Variants in ADRA1B observed in about 807,000 individuals in gnomAD.
The protein encoded by ADRA1B is adrenoceptor alpha 1B.
In ADRA1B, 17 loss-of-function variants were observed where a neutral mutation model predicts 17.9. That is an observed-to-expected ratio of 0.95 (90% CI 0.65 to 1.42). ADRA1B has a LOEUF of 1.42. Ranked by LOEUF, ADRA1B falls within the 40% of genes most tolerant of loss-of-function variation. The pLI, the probability that ADRA1B is intolerant of heterozygous loss-of-function variation, is 0.00. For synonymous variants in ADRA1B, 366 were observed against 327.6 expected (o/e 1.12, Z -1.27); for missense variants, 681 against 722.1 (o/e 0.94, Z 0.65).
At chr5:159,914,777 T>C (rs567307215), upstream of ADRA1B, among the ~76,000 whole-genome samples, 1 of 152,338 alleles carries the variant, frequency 6.6e-6, no homozygotes, top group Non-Finnish European at 1.5e-5. Flanking sequence ...GACTTCTGTT[T>C]TCCCCACCCG....
intron 1 of ADRA1B, among the ~76,000 whole-genome samples, chr5:159,960,515 G>A (rs2113279965): frequency 6.6e-6 from 1 of 152,274 alleles, no homozygotes; most frequent in South Asian, 2.1e-4. Context: ...GCGGGCTAAG[G>A]CAATACTTCT....
At chr5:159,879,966 G>A (rs1446843003) in intron 1 of ADRA1B, among the ~76,000 whole-genome samples, 3 of 151,916 alleles carry the variant, frequency 2.0e-5, no homozygotes, top group Admixed American at 6.6e-5. Flanking sequence ...ACTGCACTCC[G>A]GCTTGAGATA....
At chr5:159,907,807 C>T (rs1379003451) in intron 1 of ADRA1B, among the ~76,000 whole-genome samples, 9 of 152,140 alleles carry the variant, frequency 5.9e-5, no homozygotes, top group Admixed American at 5.9e-4. Context: ...GTCACAAAGC[C>T]AGGAAGTGGC....
intron 1 of ADRA1B, chr5:159,870,822 A>G (rs1338792075): frequency 6.6e-6 from 1 of 152,250 alleles, no homozygotes; most frequent in African/African-American, 2.4e-5. Context: ...AAAATCCCTT[A>G]TGAGAGACTG....
At chr5:159,947,296 C>T (rs1399493821) in intron 1 of ADRA1B, among the ~76,000 whole-genome samples, 2 of 151,834 alleles carry the variant, frequency 1.3e-5, no homozygotes, top group Non-Finnish European at 2.9e-5. Flanking sequence ...GATACAAGAT[C>T]GCACCACCGC....
At chr5:159,974,697 T>C (rs1301699625), downstream of ADRA1B, among the ~76,000 whole-genome samples, 2 of 151,986 alleles carry the variant, frequency 1.3e-5, no homozygotes, top group African/African-American at 2.4e-5. Context: ...CTTAAGACTT[T>C]GATGAAGGCT....
At chr5:159,984,734 C>T in the ADRA1B span, among the ~76,000 whole-genome samples, 1 of 143,270 alleles carries the variant, frequency 7.0e-6, no homozygotes. Context: ...CCCATCCCTA[C>T]TAAAAATACA....
At chr5:159,909,020 C>T (rs1052512171) in intron 1 of ADRA1B, among the ~76,000 whole-genome samples, 3 of 152,202 alleles carry the variant, frequency 2.0e-5, no homozygotes, top group African/African-American at 4.8e-5. Flanking sequence ...AAAATACTGC[C>T]TCTTTCTCCC....
the ADRA1B span, among the ~76,000 whole-genome samples, chr5:159,982,725 C>T: frequency 7.9e-5 from 12 of 152,250 alleles, no homozygotes; most frequent in South Asian, 8.3e-4. Flanking sequence ...TCTTTCTGGT[C>T]TCTAGCTTTT....
chr5:159,881,771 G>C (rs1753865456), intron 1 of ADRA1B, among the ~76,000 whole-genome samples: 1 of 152,144 alleles, frequency 6.6e-6, no homozygotes, highest in Non-Finnish European at 1.5e-5. Flanking sequence ...ATTATAAATA[G>C]ATCTGAGAGG....
intron 1 of ADRA1B, among the ~76,000 whole-genome samples, chr5:159,908,039 T>C (rs916221605): frequency 4.6e-5 from 7 of 152,012 alleles, no homozygotes; most frequent in Non-Finnish European, 1.0e-4. Flanking sequence ...AAGACAATTA[T>C]TGAATCAGGT....
At chr5:159,945,963 G>A (rs548521923) in intron 1 of ADRA1B, among the ~76,000 whole-genome samples, 18 of 152,222 alleles carry the variant, frequency 1.2e-4, no homozygotes, top group Non-Finnish European at 2.2e-4. Context: ...TAGCCAGGAT[G>A]GTCTTGATCT....
the ADRA1B span, among the ~76,000 whole-genome samples, chr5:159,983,899 C>T: frequency 5.3e-5 from 8 of 152,042 alleles, no homozygotes; most frequent in South Asian, 4.1e-4. Flanking sequence ...TTTCCCTCCC[C>T]GCGTTCTTGC....
intron 1 of ADRA1B, among the ~76,000 whole-genome samples, chr5:159,949,681 C>G (rs1186913161): frequency 6.6e-6 from 1 of 152,108 alleles, no homozygotes; most frequent in Non-Finnish European, 1.5e-5. Context: ...AGTGTATTTG[C>G]CATGTAGTAG....
chr5:159,924,874 T>C (rs1368546565), intron 1 of ADRA1B, among the ~76,000 whole-genome samples: 1 of 152,342 alleles, frequency 6.6e-6, no homozygotes, highest in South Asian at 2.1e-4. Flanking sequence ...ATAATAGTAA[T>C]ACTAATAGCT....
At position 159,917,052 on chromosome 5, in the gene ADRA1B, CCTGGT is replaced by C; in HGVS notation, c.148_152del (p.Leu50AlafsTer68). Reference sequence around the variant, plus strand: ...ACATCACCAGGGCCATCTCTGTGGGCCTGGTGCTGGGCGCCTTCATCCTCTTTGCC... The same window carrying C: ...ACATCACCAGGGCCATCTCTGTGGGCGCTGGGCGCCTTCATCCTCTTTGCC... On this transcript the variant is annotated frameshift_variant, in exon 1 of 2. Coordinates refer to ENST00000306675, the MANE Select transcript of ADRA1B (RefSeq NM_000679.4). LOFTEE classifies it high-confidence loss of function. 1 of 1,614,188 alleles carries C rather than the reference CCTGGT, an allele frequency of 6.2e-7. No homozygotes were observed. The highest frequency in any genetic ancestry group is 1.1e-5 in the South Asian group (1 of 91,084).
chr5:159,962,172 T>C (rs551483886), intron 1 of ADRA1B, among the ~76,000 whole-genome samples: 20 of 152,234 alleles, frequency 1.3e-4, no homozygotes, highest in African/African-American at 4.3e-4. Flanking sequence ...TGCTCCAGCC[T>C]GGGCAACAGA....
intron 1 of ADRA1B, among the ~76,000 whole-genome samples, chr5:159,962,916 T>C (rs1404309384): frequency 7.1e-6 from 1 of 140,976 alleles, no homozygotes; most frequent in East Asian, 2.1e-4. Flanking sequence ...TCTTTCTTTC[T>C]TTCTTTTTCT....
chr5:159,979,092 G>A, the ADRA1B span, among the ~76,000 whole-genome samples: 9 of 152,236 alleles, frequency 5.9e-5, no homozygotes, highest in African/African-American at 9.6e-5. Flanking sequence ...TTGGGAGGCC[G>A]AGGCAAGAGG....
Sources: gnomAD v4.1 joint callset for allele counts (sites outside exome capture counted in the v4.1 genomes callset) on GRCh38, gnomAD v4.1.1 for gene constraint, MANE v1.5 for transcripts, NCBI Gene and HGNC (gene_info 2026-07-23, HGNC 2026-07-21) for gene names.